Variants in SUGCT observed in about 807,000 individuals in gnomAD.
SUGCT encodes succinyl-CoA:glutarate CoA-transferase.
In SUGCT, 41 loss-of-function variants were observed where a neutral mutation model predicts 55.0. That is an observed-to-expected ratio of 0.74 (90% CI 0.58 to 0.97). SUGCT has a LOEUF of 0.97. Among genes scored for constraint, SUGCT ranks in the 50% least tolerant of loss-of-function variants. The pLI, the probability that SUGCT is intolerant of heterozygous loss-of-function variation, is 0.00. For synonymous variants in SUGCT, 187 were observed against 200.4 expected, an observed-to-expected ratio of 0.93 and a Z score of 0.56; for missense variants, 568 against 547.8, an observed-to-expected ratio of 1.04 and a Z score of -0.37.
chr7:40,167,970 C>T (rs1459005065), intron 1 of SUGCT, among the ~76,000 whole-genome samples: 1 of 152,172 alleles, frequency 6.6e-6, no homozygotes, highest in South Asian at 2.1e-4. Flanking sequence ...TGCCCACTCC[C>T]GGCTCAAATG....
rs759111202 is a variant in SUGCT, at chr7:40,746,678, G to A, written c.1090-2756G>A. On this transcript the variant is annotated intron_variant, in intron 12 of 13. Coordinates refer to ENST00000335693, the MANE Select transcript of SUGCT (RefSeq NM_001193313.2). ...AGTACGCTCTTTAAACTGCTTCCGT[G>A]GAAAATTTCAATCAACTGCTAGCTT... Among the ~76,000 whole-genome samples, 37 of 152,272 alleles carry A rather than the reference G, an allele frequency of 2.4e-4. No homozygotes were observed. In the Middle Eastern group the frequency reaches 0.01, roughly 42 times the overall value.
chr7:40,207,620 C>G (rs1321265664), intron 6 of SUGCT, among the ~76,000 whole-genome samples: 2 of 152,090 alleles, frequency 1.3e-5, no homozygotes, highest in Non-Finnish European at 2.9e-5. Context: ...AGTTTGAGAT[C>G]AGCCTGGACA....
the SUGCT span, among the ~76,000 whole-genome samples, chr7:40,977,858 C>T: frequency 5.3e-5 from 8 of 152,166 alleles, no homozygotes; most frequent in Non-Finnish European, 1.2e-4. Context: ...TGCTATTGCT[C>T]CTGCCAGGAG....
intron 12 of SUGCT, among the ~76,000 whole-genome samples, chr7:40,532,114 T>C (rs1562841962): frequency 6.6e-6 from 1 of 152,204 alleles, no homozygotes; most frequent in Non-Finnish European, 1.5e-5. Context: ...AACTGCAAGG[T>C]TGGTCTCATA....
At chr7:40,992,628 G>C in the SUGCT span, among the ~76,000 whole-genome samples, 1 of 151,808 alleles carries the variant, frequency 6.6e-6, no homozygotes. Flanking sequence ...TCTGAAAAGG[G>C]TTTTTCTGGG....
the SUGCT span, among the ~76,000 whole-genome samples, chr7:40,924,333 C>A: frequency 6.6e-6 from 1 of 150,560 alleles, no homozygotes; most frequent in African/African-American, 2.4e-5. Context: ...CTCTGCCTCC[C>A]CAGCTCAAGT....
intron 9 of SUGCT, among the ~76,000 whole-genome samples, chr7:40,370,144 C>A (rs909688945): frequency 1.3e-5 from 2 of 152,196 alleles, no homozygotes; most frequent in African/African-American, 4.8e-5. Context: ...TCAGTTCTCA[C>A]TGGCAATCCA....
intron 7 of SUGCT, among the ~76,000 whole-genome samples, chr7:40,255,785 C>G (rs1790776120): frequency 6.6e-6 from 1 of 151,292 alleles, no homozygotes; most frequent in Non-Finnish European, 1.5e-5. Context: ...TTTTCGCCAT[C>G]ACAGTCTAAG....
the SUGCT span, among the ~76,000 whole-genome samples, chr7:40,930,803 A>T: frequency 6.6e-6 from 1 of 152,206 alleles, no homozygotes; most frequent in Non-Finnish European, 1.5e-5. Context: ...GTTGCTTATC[A>T]GCTTAAGGAG....
intron 9 of SUGCT, among the ~76,000 whole-genome samples, chr7:40,376,174 G>A (rs926520619): frequency 6.6e-6 from 1 of 152,060 alleles, no homozygotes; most frequent in Non-Finnish European, 1.5e-5. Flanking sequence ...AAGCTATGAA[G>A]GGAAGGTAAA....
chr7:40,706,820 G>T (rs1785436095), intron 12 of SUGCT, among the ~76,000 whole-genome samples: 1 of 152,192 alleles, frequency 6.6e-6, no homozygotes. Flanking sequence ...AGCTTTGTGT[G>T]CTGGCTTTGC....
intron 6 of SUGCT, among the ~76,000 whole-genome samples, chr7:40,209,453 G>A (rs541491895): frequency 2.1e-3 from 322 of 151,976 alleles, no homozygotes; most frequent in African/African-American, 7.0e-3. Flanking sequence ...CCCAGATCTC[G>A]TCATTGCACT....
Position 40,236,442 on chromosome 7 carries a change from C to CAAAAAAAAAAAAAAAAAAAA in SUGCT, c.485-1176_485-1175insAAAAAAAAAAAAAAAAAAAA, listed in dbSNP as rs60720770. On this transcript the variant is annotated intron_variant, in intron 6 of 13. Transcript: ENST00000335693. ...GTGTTCTGTTGATTCTTTCTGATGG[C>CAAAAAAAAAAAAAAAAAAAA]AAAAAAAAAAAAAAAAATTTGACAC... is the stretch of plus-strand genomic sequence containing the variant. Among the ~76,000 whole-genome samples, 8 of 90,018 alleles carry CAAAAAAAAAAAAAAAAAAAA rather than the reference C, an allele frequency of 8.9e-5. 1 individual carries two copies. In the South Asian group the frequency reaches 1.5e-3, roughly 17 times the overall value. 59.1% of individuals were successfully genotyped at this position (90,018 alleles called of 152,430 possible).
chr7:40,769,334 C>G (rs1199991390), intron 13 of SUGCT, among the ~76,000 whole-genome samples: 2 of 152,146 alleles, frequency 1.3e-5, no homozygotes. Context: ...GGTGGCTGAA[C>G]AATGCCCTCT....
intron 8 of SUGCT, among the ~76,000 whole-genome samples, chr7:40,298,618 A>G (rs1006947460): frequency 1.3e-5 from 2 of 152,216 alleles, no homozygotes; most frequent in Non-Finnish European, 2.9e-5. Context: ...TCATTTGTGT[A>G]GGAATCCACT....
chr7:40,805,141 T>A (rs1479263049), intron 13 of SUGCT, among the ~76,000 whole-genome samples: 1 of 152,176 alleles, frequency 6.6e-6, no homozygotes. Context: ...GGTTCCTGGA[T>A]CAATTTTCCC....
intron 9 of SUGCT, among the ~76,000 whole-genome samples, chr7:40,423,963 G>A (rs927908433): frequency 2.0e-5 from 3 of 151,878 alleles, no homozygotes; most frequent in Admixed American, 1.3e-4. Flanking sequence ...TATTTGTTAT[G>A]TGTCTCTCTT....
At chr7:41,028,407 G>A in the SUGCT span, among the ~76,000 whole-genome samples, 3 of 152,216 alleles carry the variant, frequency 2.0e-5, no homozygotes, top group South Asian at 6.2e-4. Context: ...AATTTGGAAA[G>A]CAACATACAG....
the SUGCT span, among the ~76,000 whole-genome samples, chr7:40,995,638 A>AT: frequency 6.6e-6 from 1 of 151,190 alleles, no homozygotes; most frequent in Non-Finnish European, 1.5e-5. Context: ...TTACTTCAAT[A>AT]TTTTTTTCTC....
Sources: allele counts gnomAD v4.1 joint callset (sites outside exome capture counted in the v4.1 genomes callset), GRCh38; gene constraint gnomAD v4.1.1; transcripts MANE v1.5; gene names NCBI Gene and HGNC (gene_info 2026-07-23, HGNC 2026-07-21).